The following UGT1A5 variants were observed in gnomAD, a reference collection of about 807,000 sequenced individuals.
The protein encoded by UGT1A5 is UDP glucuronosyltransferase family 1 member A5.
UGT1A5 carries 29 observed loss-of-function variants against 40.3 expected under a neutral mutation model. The ratio of observed to expected loss-of-function variants is 0.72; its 90% CI spans 0.54 to 0.98. The LOEUF is 0.98. Ranked by LOEUF, UGT1A5 falls within the 50% of genes least tolerant of loss-of-function variation. The pLI, the probability that UGT1A5 is intolerant of heterozygous loss-of-function variation, is 0.00. For synonymous variants in UGT1A5, 257 were observed against 262.5 expected (o/e 0.98, Z 0.20); for missense variants, 678 against 677.9 (o/e 1.00, Z 0.00).
chr2:233,718,192 C>T (rs1341668137), intron 1 of UGT1A5, among the ~76,000 whole-genome samples: 5 of 152,272 alleles, frequency 3.3e-5, no homozygotes, highest in South Asian at 2.1e-4. Flanking sequence ...TCAGCCTCCC[C>T]GGAGCTTTTT....
intron 1 of UGT1A5, among the ~76,000 whole-genome samples, chr2:233,715,670 G>A (rs1428393419): frequency 6.6e-6 from 1 of 152,106 alleles, no homozygotes; most frequent in Non-Finnish European, 1.5e-5. Flanking sequence ...TACTCGGGAG[G>A]CTGAGGCAGG....
At chr2:233,764,507 T>C (rs1318099994) in intron 1 of UGT1A5, among the ~76,000 whole-genome samples, 1 of 152,320 alleles carries the variant, frequency 6.6e-6, no homozygotes, top group Non-Finnish European at 1.5e-5. Flanking sequence ...GGGTTCAATT[T>C]TGTGTGAATC....
intron 1 of UGT1A5, among the ~76,000 whole-genome samples, chr2:233,723,516 C>CTT (rs1162916866): frequency 0.011 from 946 of 85,272 alleles, 28 homozygotes; most frequent in African/African-American, 0.04. Context: ...GGTCAACAAT[C>CTT]TTTTTTTTTT....
At chr2:233,761,119 A>T in intron 1 of UGT1A5, 1 of 1,614,188 alleles carries the variant, frequency 6.2e-7, no homozygotes, top group African/African-American at 1.3e-5. Context: ...TGTTGGTGGA[A>T]TCAACTGCCT....
Position 233,772,346 on chromosome 2 carries a change from GT to G in UGT1A5, c.1395del (p.Phe465LeufsTer2), listed in dbSNP as rs773231664. The G allele has an allele frequency of 6.2e-7, 1 of 1,614,250 alleles. No individual in the cohort carries two copies. Among genetic ancestry groups the G allele is most frequent in the South Asian group, 1.1e-5 (1 of 91,090 alleles). ...PLDLAVFWVE[F>X]VMRHKGAPHL... ...TGGACCTGGCCGTGTTCTGGGTGGA[GT>G]TTGTGATGAGGCACAAGGGCGCGCC... On this transcript the variant is annotated frameshift_variant, in exon 5 of 5. Transcript: ENST00000373414. LOFTEE classifies it high-confidence loss of function.
intron 4 of UGT1A5, 78 bp from the exon 5 acceptor site, chr2:233,772,184 T>C (rs1700476163): frequency 6.3e-7 from 1 of 1,591,636 alleles, no homozygotes; most frequent in East Asian, 2.3e-5. Context: ...GTAGTCTTCT[T>C]AAGCAGCCAT....
In UGT1A5 at chr2:233,769,673, G is replaced by A; in HGVS notation, c.1307+1234G>A. 1.3e-6 allele frequency: 2 copies of A among 1,580,578 alleles called. No individual in the cohort carries two copies. The highest frequency in any genetic ancestry group is 1.1e-5 in the South Asian group (1 of 86,980). On this transcript the variant is annotated intron_variant, in intron 4 of 4. Transcript: ENST00000373414. The surrounding 1 kb of genome is among the most constrained non-coding windows in gnomAD (Gnocchi z 4.4). ...GACTTCCCACCTTTGAGGTGCTAAT[G>A]TGTGTGTGGTGGCACTGGATAAAAG...
intron 4 of UGT1A5, chr2:233,770,945 C>A (rs537203065): frequency 1.3e-5 from 2 of 152,232 alleles, no homozygotes; most frequent in African/African-American, 4.8e-5. Flanking sequence ...GCCGGGGGAA[C>A]CTCAGGGAGC....
intron 1 of UGT1A5, among the ~76,000 whole-genome samples, chr2:233,714,209 C>A (rs1186715903): frequency 6.6e-6 from 1 of 152,132 alleles, no homozygotes; most frequent in Non-Finnish European, 1.5e-5. Flanking sequence ...ACTGATCCAT[C>A]CAATCTTGCT....
At chr2:233,717,109 C>T (rs1330348180) in intron 1 of UGT1A5, among the ~76,000 whole-genome samples, 1 of 152,134 alleles carries the variant, frequency 6.6e-6, no homozygotes, top group East Asian at 1.9e-4. Flanking sequence ...CTAAATAAAA[C>T]ACCACTACAT....
chr2:233,765,354 C>T (rs147489068), intron 1 of UGT1A5, among the ~76,000 whole-genome samples: 102 of 152,262 alleles, frequency 6.7e-4, no homozygotes, highest in African/African-American at 2.3e-3. Context: ...ATGGAACCAA[C>T]CCAGATGCCC....
chr2:233,745,820 G>A (rs894778963), intron 1 of UGT1A5, among the ~76,000 whole-genome samples: 23 of 151,370 alleles, frequency 1.5e-4, no homozygotes, highest in African/African-American at 5.1e-4. Context: ...TGAGAGCAAG[G>A]CAGAGGACTC....
At chr2:233,772,179 C>T (rs540394959) in intron 4 of UGT1A5, 83 bp from the exon 5 acceptor site, 1 of 1,585,310 alleles carries the variant, frequency 6.3e-7, no homozygotes, top group East Asian at 2.3e-5. Context: ...ATCTGGTAGT[C>T]TTCTTAAGCA....
intron 1 of UGT1A5, chr2:233,755,057 C>G: frequency 7.5e-7 from 1 of 1,333,978 alleles, no homozygotes; most frequent in Non-Finnish European, 1.0e-6. Context: ...CCTCCGCCCT[C>G]GCCTCGCCAT....
intron 1 of UGT1A5, among the ~76,000 whole-genome samples, chr2:233,721,151 A>C (rs2076923692): frequency 6.6e-6 from 1 of 152,178 alleles, no homozygotes. Context: ...TGCAAAGGAC[A>C]CTAAACTTTA....
chr2:233,761,370 T>C (rs1346260530), intron 1 of UGT1A5, among the ~76,000 whole-genome samples: 1 of 152,186 alleles, frequency 6.6e-6, no homozygotes, highest in Non-Finnish European at 1.5e-5. Flanking sequence ...TCCTTGGACA[T>C]TTTACTCTGT....
At position 233,769,466 on chromosome 2, in the gene UGT1A5, T is replaced by C. The variant is rs1023177408; in HGVS notation, c.1307+1027T>C. On this transcript the variant is annotated intron_variant, in intron 4 of 4. Coordinates refer to ENST00000373414, the MANE Select transcript of UGT1A5 (RefSeq NM_019078.2). The surrounding 1 kb of genome is among the most constrained non-coding windows in gnomAD (Gnocchi z 4.4). ...GTGCACACGTGTGCATTCATATGCG[T>C]GTGTGTGTGTGTGCGTGTGTTTATG... 86 of 1,281,398 alleles carry C rather than the reference T, an allele frequency of 6.7e-5. No homozygotes were observed. The South Asian group carries it at 1.2e-3, about 18-fold the overall frequency. 79.4% of individuals were successfully genotyped at this position (1,281,398 alleles called of 1,614,324 possible).
intron 1 of UGT1A5, among the ~76,000 whole-genome samples, chr2:233,736,576 T>G: frequency 6.6e-6 from 1 of 152,372 alleles, no homozygotes; most frequent in Admixed American, 6.5e-5. Flanking sequence ...TGTGATCCTT[T>G]GGAGGAGATG....
At chr2:233,765,715 T>C (rs1435382994) in intron 1 of UGT1A5, among the ~76,000 whole-genome samples, 2 of 140,082 alleles carry the variant, frequency 1.4e-5, no homozygotes, top group African/African-American at 6.4e-5. Flanking sequence ...TAATAATTAA[T>C]AATAATAATA....
Sources: allele counts gnomAD v4.1 joint callset (sites outside exome capture counted in the v4.1 genomes callset), GRCh38; gene constraint gnomAD v4.1.1; non-coding constraint Gnocchi (gnomAD v3.1); transcripts MANE v1.5; gene names NCBI Gene and HGNC (gene_info 2026-07-23, HGNC 2026-07-21).